The following AGBL1 variants were observed in gnomAD, a reference collection of about 807,000 sequenced individuals.
The protein encoded by AGBL1 is cytosolic carboxypeptidase 4.
In AGBL1, 130 loss-of-function variants were observed where a neutral mutation model predicts 118.9. That is an observed-to-expected ratio of 1.09 (90% CI 0.95 to 1.26). The LOEUF is 1.26. AGBL1 is among the 50% of genes most tolerant of loss of function. The pLI is 0.00. For missense variants in AGBL1, 1,584 were observed against 1,298.1 expected (o/e 1.22, Z -3.38); for synonymous variants, 555 against 478.9 (o/e 1.16, Z -2.08).
chr15:86,811,570 T>C (rs1018679466), intron 22 of AGBL1, among the ~76,000 whole-genome samples: 1 of 152,192 alleles, frequency 6.6e-6, no homozygotes, highest in Non-Finnish European at 1.5e-5. Flanking sequence ...CCAACTCCCC[T>C]CTGTTTTATT....
intron 22 of AGBL1, among the ~76,000 whole-genome samples, chr15:86,819,192 A>G (rs920938224): frequency 2.0e-5 from 3 of 152,114 alleles, no homozygotes; most frequent in African/African-American, 7.2e-5. Flanking sequence ...AAAGGGCACC[A>G]TGATGCTGAG....
At chr15:86,181,856 A>G (rs2077557071) in intron 5 of AGBL1, among the ~76,000 whole-genome samples, 1 of 152,116 alleles carries the variant, frequency 6.6e-6, no homozygotes, top group Non-Finnish European at 1.5e-5. Flanking sequence ...TTAAATGAAA[A>G]TAATTTCAGT....
intron 1 of AGBL1, among the ~76,000 whole-genome samples, chr15:86,118,502 A>G (rs1367529470): frequency 1.3e-5 from 2 of 151,164 alleles, no homozygotes; most frequent in East Asian, 1.9e-4. Flanking sequence ...GAGAAGTTGC[A>G]TCTTAAATTT....
intron 7 of AGBL1, among the ~76,000 whole-genome samples, chr15:86,249,543 GAC>G (rs2078775216): frequency 1.3e-5 from 2 of 151,918 alleles, no homozygotes; most frequent in African/African-American, 2.4e-5. Flanking sequence ...TCTATTTCTC[GAC>G]ATGAAGCAGG....
intron 22 of AGBL1, among the ~76,000 whole-genome samples, chr15:86,752,452 G>C (rs1353067526): frequency 3.3e-5 from 5 of 152,044 alleles, no homozygotes; most frequent in Non-Finnish European, 7.4e-5. Context: ...GGATTTCTAG[G>C]TTCTTCCTGA....
At position 86,911,063 on chromosome 15, in the gene AGBL1, AAACT is replaced by A. The variant is rs755312176; in HGVS notation, c.*3772_*3775del. 6.6e-6 allele frequency: 1 copy of A among 152,292 alleles called. No individual in the cohort carries two copies. The highest frequency in any genetic ancestry group is 1.5e-5 in the Non-Finnish European group (1 of 68,092). The allele number at this position is 152,292 out of a possible 1,614,324, so 9.4% of individuals were successfully genotyped here. ...AACGTGTTCTACCAAATTCAAAGCC[AAACT>A]AAGATGACCCAAGAATTCCAAGGAG... On this transcript the variant is annotated 3_prime_UTR_variant, in exon 23 of 23. Coordinates refer to ENST00000614907, the MANE Select transcript of AGBL1 (RefSeq NM_001386094.1).
rs920032475 is a variant in AGBL1 at position 86,535,217 on chromosome 15, G to C, written c.2686-10785G>C. On this transcript the variant is annotated intron_variant, in intron 19 of 22. Coordinates refer to ENST00000614907, the MANE Select transcript of AGBL1 (RefSeq NM_001386094.1). ...TAGAAGTCAGAAAGATCCAGCCAGA[G>C]AGGCGGCCTATAAGCAGAGAAGCCC... Among the ~76,000 whole-genome samples the C allele has an allele frequency of 3.9e-5, 6 of 152,230 alleles. No individual in the cohort carries two copies. The South Asian group carries it at 1.2e-3, about 31-fold the overall frequency.
intron 17 of AGBL1, among the ~76,000 whole-genome samples, chr15:86,361,275 A>T (rs895552953): frequency 6.6e-6 from 1 of 151,830 alleles, no homozygotes; most frequent in African/African-American, 2.4e-5. Context: ...ACTGTTACTG[A>T]TTTCTATTTT....
At chr15:86,334,014 T>C (rs1444011898) in intron 17 of AGBL1, among the ~76,000 whole-genome samples, 2 of 152,200 alleles carry the variant, frequency 1.3e-5, no homozygotes, top group South Asian at 4.1e-4. Flanking sequence ...AAATTAGTCA[T>C]TGAAGGAACA....
intron 21 of AGBL1, among the ~76,000 whole-genome samples, chr15:86,617,169 TC>T (rs2084740817): frequency 6.6e-6 from 1 of 152,152 alleles, no homozygotes; most frequent in Non-Finnish European, 1.5e-5. Flanking sequence ...CTATAAAGGG[TC>T]CTGCTTTTAC....
chr15:86,204,864 A>G (rs1233520561), intron 5 of AGBL1, among the ~76,000 whole-genome samples: 1 of 152,206 alleles, frequency 6.6e-6, no homozygotes, highest in Non-Finnish European at 1.5e-5. Flanking sequence ...TTCTGGGACT[A>G]CAGGTATGAG....
At chr15:86,601,509 G>A (rs1045820369) in intron 21 of AGBL1, among the ~76,000 whole-genome samples, 2 of 152,114 alleles carry the variant, frequency 1.3e-5, no homozygotes, top group African/African-American at 2.4e-5. Context: ...GTGCAAGTGG[G>A]TTAATTAATT....
chr15:86,566,398 C>T (rs566211295), intron 21 of AGBL1, among the ~76,000 whole-genome samples: 135 of 152,244 alleles, frequency 8.9e-4, no homozygotes, highest in African/African-American at 3.1e-3. Context: ...TCATTTTATT[C>T]TTGCTGGTCT....
At chr15:86,827,120 C>G (rs925129915) in intron 22 of AGBL1, among the ~76,000 whole-genome samples, 1 of 149,972 alleles carries the variant, frequency 6.7e-6, no homozygotes, top group Non-Finnish European at 1.5e-5. Flanking sequence ...GTATGAGGAG[C>G]AGGAAATAAC....
At position 86,613,264 on chromosome 15, in the gene AGBL1, G is replaced by A. The variant is rs1372957665; in HGVS notation, c.2994+58727G>A. On this transcript the variant is annotated intron_variant, in intron 21 of 22. Coordinates refer to ENST00000614907, the MANE Select transcript of AGBL1 (RefSeq NM_001386094.1). The surrounding 1 kb of genome is among the most constrained non-coding windows in gnomAD (Gnocchi z 4.2). ...GCGAGAGGTTTGTTGGTTTTGGAAC[G>A]TAAGATCCCAAACCATTGGAGAACT... Among the ~76,000 whole-genome samples the A allele has an allele frequency of 4.6e-5, 7 of 152,184 alleles. No homozygotes were observed. Among genetic ancestry groups the A allele is most frequent in the East Asian group, 1.9e-4 (1 of 5,186 alleles).
chr15:86,762,394 C>A (rs889448396), intron 22 of AGBL1, among the ~76,000 whole-genome samples: 5 of 151,896 alleles, frequency 3.3e-5, no homozygotes, highest in Admixed American at 1.3e-4. Context: ...ATACCCCCTG[C>A]CCCCTGCAAA....
intron 21 of AGBL1, among the ~76,000 whole-genome samples, chr15:86,670,650 G>GTGTGTGTATA (rs369000727): frequency 8.9e-4 from 125 of 141,130 alleles, no homozygotes; most frequent in South Asian, 5.1e-3. Flanking sequence ...GTGTGTGTGT[G>GTGTGTGTATA]TATATATATA....
At chr15:86,212,147 G>A (rs1346323477) in intron 5 of AGBL1, among the ~76,000 whole-genome samples, 1 of 152,162 alleles carries the variant, frequency 6.6e-6, no homozygotes, top group Non-Finnish European at 1.5e-5. Flanking sequence ...TCAATGATTA[G>A]TTTATTTACT....
chr15:86,302,217 T>G (rs1475352195), intron 17 of AGBL1, among the ~76,000 whole-genome samples: 2 of 152,156 alleles, frequency 1.3e-5, no homozygotes, highest in African/African-American at 4.8e-5. Flanking sequence ...GGTAGTTGAA[T>G]AGCTTGGCTA....
Sources: allele counts gnomAD v4.1 joint callset (sites outside exome capture counted in the v4.1 genomes callset), GRCh38; gene constraint gnomAD v4.1.1; non-coding constraint Gnocchi (gnomAD v3.1); transcripts MANE v1.5; gene names NCBI Gene and HGNC (gene_info 2026-07-23, HGNC 2026-07-21).